ANAPC1: variants seen among roughly 807,000 people sequenced by gnomAD.
ANAPC1 encodes the protein anaphase promoting complex subunit 1.
In ANAPC1, 36 loss-of-function variants were observed where a neutral mutation model predicts 208.0. That is an observed-to-expected ratio of 0.17 (90% CI 0.13 to 0.23). ANAPC1 has a LOEUF of 0.23. ANAPC1 is among the 10% of genes least tolerant of loss of function. ANAPC1 has a pLI of 1.00. For synonymous variants in ANAPC1, 378 were observed against 695.2 expected, an observed-to-expected ratio of 0.54 and a Z score of 7.18; for missense variants, 942 against 2,011.6, an observed-to-expected ratio of 0.47 and a Z score of 10.17.
chr2:111,807,378 T>C (rs1283947695), intron 29 of ANAPC1, among the ~76,000 whole-genome samples: 2 of 151,254 alleles, frequency 1.3e-5, no homozygotes. Context: ...TTAAAACCCA[T>C]TTATAACAAT....
intron 10 of ANAPC1, among the ~76,000 whole-genome samples, chr2:111,858,753 C>T (rs1262021096): frequency 7.3e-6 from 1 of 136,548 alleles, no homozygotes; most frequent in Non-Finnish European, 1.5e-5. Flanking sequence ...CAGAGCCAGA[C>T]TCCGTCTCAA....
chr2:111,883,165 C>CAAAA (rs141124163), intron 1 of ANAPC1, among the ~76,000 whole-genome samples: 1 of 108,542 alleles, frequency 9.2e-6, no homozygotes, highest in Non-Finnish European at 1.8e-5. Flanking sequence ...GACTCCTTCT[C>CAAAA]AAAAAAAAAA....
chr2:111,798,462 A>G (rs1326358422), intron 34 of ANAPC1, among the ~76,000 whole-genome samples: 3 of 151,996 alleles, frequency 2.0e-5, no homozygotes, highest in African/African-American at 4.8e-5. Context: ...TCCCTGGTAG[A>G]CAACCTCAAC....
intron 17 of ANAPC1, among the ~76,000 whole-genome samples, chr2:111,840,753 G>T (rs1019932623): frequency 6.6e-6 from 1 of 152,176 alleles, no homozygotes; most frequent in African/African-American, 2.4e-5. Context: ...TTTAAAATAA[G>T]AAAAGAAGGC....
intron 14 of ANAPC1, among the ~76,000 whole-genome samples, chr2:111,848,376 T>C (rs544336362): frequency 0.019 from 2,866 of 149,364 alleles, 80 homozygotes; most frequent in African/African-American, 0.067. Context: ...TCTGCAAATT[T>C]TGGTGGTAAG....
chr2:111,827,817 G>A (rs1829150), intron 21 of ANAPC1, among the ~76,000 whole-genome samples: 3 of 151,886 alleles, frequency 2.0e-5, no homozygotes, highest in Non-Finnish European at 4.4e-5. Flanking sequence ...AACCAAAAAC[G>A]TATCAACAAG....
intron 6 of ANAPC1, among the ~76,000 whole-genome samples, chr2:111,869,998 C>T (rs985743890): frequency 6.6e-6 from 1 of 152,198 alleles, no homozygotes; most frequent in Non-Finnish European, 1.5e-5. Context: ...GGTTACTTCA[C>T]TTAGAATCAT....
In ANAPC1 at chr2:111,862,452, G is replaced by C. The variant is rs368906308; in HGVS notation, c.1199C>G (p.Thr400Arg). ...ACACAGTTCAGGAACAATTGGCTCC[G>C]TTTCTGGTGCAAGAAAGGAGCCATT... The part of the protein sequence containing the change: ...NSNGSFLAPE[T>R]EPIVPELCID... The change falls in exon 10 of 48, where the codon ACG (threonine) becomes AGG (arginine). Residue 400 changes from threonine (T) to arginine (R), a missense_variant. Thr to Arg is a moderately conservative substitution (Grantham distance 71). Coordinates refer to ENST00000341068, the MANE Select transcript of ANAPC1 (RefSeq NM_022662.4). 1 of 1,610,870 alleles carries C rather than the reference G, an allele frequency of 6.2e-7. No homozygotes were observed. Among genetic ancestry groups the C allele is most frequent in the Admixed American group, 1.7e-5 (1 of 59,956 alleles).
intron 14 of ANAPC1, among the ~76,000 whole-genome samples, chr2:111,849,344 TCCAAA>T (rs1391949670): frequency 6.6e-6 from 1 of 151,750 alleles, no homozygotes; most frequent in African/African-American, 2.4e-5. Flanking sequence ...AAGAAATTCT[TCCAAA>T]TCACACAGAA....
chr2:111,858,457 A>G (rs1239918878), intron 10 of ANAPC1, 56 bp from the exon 11 acceptor site: 3 of 1,478,398 alleles, frequency 2.0e-6, no homozygotes, highest in African/African-American at 1.4e-5. Context: ...AATCTACCAC[A>G]GTAACTATTA....
intron 47 of ANAPC1, among the ~76,000 whole-genome samples, chr2:111,771,351 G>A (rs1202022330): frequency 6.6e-6 from 1 of 151,964 alleles, no homozygotes; most frequent in African/African-American, 2.4e-5. Context: ...AGTAACTCAA[G>A]GGAAAGGTAT....
At chr2:111,848,559 T>C (rs189661742) in intron 14 of ANAPC1, among the ~76,000 whole-genome samples, 2,395 of 152,076 alleles carry the variant, frequency 0.016, 28 homozygotes, top group Non-Finnish European at 0.024. Context: ...GGTGGATCAC[T>C]TGAGGTCAAG....
chr2:111,801,764 G>A, intron 33 of ANAPC1, among the ~76,000 whole-genome samples: 1 of 149,052 alleles, frequency 6.7e-6, no homozygotes, highest in Middle Eastern at 3.5e-3. Context: ...CTAAAATTGA[G>A]TTGAATATCA....
chr2:111,829,273 T>C (rs1680001936), intron 21 of ANAPC1, among the ~76,000 whole-genome samples: 1 of 152,200 alleles, frequency 6.6e-6, no homozygotes, highest in African/African-American at 2.4e-5. Context: ...TTTGCTATCA[T>C]TAAAAAAATC....
Position 111,794,340 on chromosome 2 carries a change from A to C in ANAPC1, c.4374-17T>G, listed in dbSNP as rs748486313. On this transcript the variant is annotated splice_polypyrimidine_tract_variant and intron_variant, in intron 35 of 47. Transcript: ENST00000341068. ...TGTGCTTGGCTGAAAACAGGTGACAAGAAATTTAATAATCATTATTTTACT... is the reference window on the plus strand; with the variant it reads ...TGTGCTTGGCTGAAAACAGGTGACACGAAATTTAATAATCATTATTTTACT... The C allele has an allele frequency of 1.5e-5, 23 of 1,512,712 alleles. No homozygotes were observed. The highest frequency in any genetic ancestry group is 2.1e-5 in the Non-Finnish European group (23 of 1,106,360). The allele number at this position is 1,512,712 out of a possible 1,614,324, so 93.7% of individuals were successfully genotyped here.
At chr2:111,849,111 G>A (rs748975835) in intron 14 of ANAPC1, among the ~76,000 whole-genome samples, 10 of 152,296 alleles carry the variant, frequency 6.6e-5, no homozygotes, top group Non-Finnish European at 1.5e-4. Flanking sequence ...AGACTAAGAT[G>A]TATTTACTCT....
At chr2:111,770,941 T>C (rs1676704055) in intron 47 of ANAPC1, 1 of 153,804 alleles carries the variant, frequency 6.5e-6, no homozygotes, top group African/African-American at 2.4e-5. Context: ...TAATTTTTGA[T>C]TCAACACTGA....
chr2:111,854,367 A>G (rs1209110874), intron 13 of ANAPC1, among the ~76,000 whole-genome samples: 5 of 152,172 alleles, frequency 3.3e-5, no homozygotes, highest in Non-Finnish European at 7.3e-5. Context: ...GGCAGAGCAG[A>G]CTTGGCATAA....
At chr2:111,827,242 A>G (rs919888252) in intron 21 of ANAPC1, among the ~76,000 whole-genome samples, 3 of 152,218 alleles carry the variant, frequency 2.0e-5, no homozygotes, top group South Asian at 2.1e-4. Context: ...AAAGAAAAAG[A>G]TAACACAAAG....
Sources: allele counts gnomAD v4.1 joint callset (sites outside exome capture counted in the v4.1 genomes callset), GRCh38; gene constraint gnomAD v4.1.1; transcripts MANE v1.5; gene names NCBI Gene and HGNC (gene_info 2026-07-23, HGNC 2026-07-21).